Variants in COPB1 observed in about 807,000 individuals in gnomAD.
COPB1 encodes the protein coat protein complex I subunit beta 1.
In COPB1, 21 loss-of-function variants were observed where a neutral mutation model predicts 108.7. That is an observed-to-expected ratio of 0.19 (90% CI 0.14 to 0.28). COPB1 has a LOEUF of 0.28. Ranked by LOEUF, COPB1 falls within the 10% of genes least tolerant of loss-of-function variation. The probability of loss-of-function intolerance (pLI) is 1.00; values close to 1 mark genes in which losing one functional copy is unlikely to be tolerated. For synonymous variants in COPB1, 378 were observed against 386.8 expected, an observed-to-expected ratio of 0.98 and a Z score of 0.27; for missense variants, 919 against 1,141.3, an observed-to-expected ratio of 0.81 and a Z score of 2.81.
At position 14,461,183 on chromosome 11, in the gene COPB1, A is replaced by C. The variant is rs1354480305; in HGVS notation, c.2556+3T>G. On this transcript the variant is annotated splice_donor_region_variant and intron_variant, in intron 19 of 21. Transcript: ENST00000439561. ...AATATGAGAAAATCTCCCAAGGACT[A>C]ACTTTGTTTTCCCATTCAAATTCGG... 6.2e-7 allele frequency: 1 copy of C among 1,614,110 alleles called. No homozygotes were observed. The highest frequency in any genetic ancestry group is 2.2e-5 in the East Asian group (1 of 44,870).
At chr11:14,480,628 A>AT in intron 10 of COPB1, 131 bp downstream of exon 10, 1 of 809,526 alleles carries the variant, frequency 1.2e-6, no homozygotes, top group Non-Finnish European at 1.9e-6. Flanking sequence ...AGAGGTAGAT[A>AT]TAAAGATCAC....
Position 14,493,670 on chromosome 11 carries a change from C to A in COPB1, c.463G>T (p.Ala155Ser). The change falls in exon 4 of 22, where the codon GCT (alanine) becomes TCT (serine). Residue 155 changes from alanine (A) to serine (S), a missense_variant. Ala to Ser is a moderately conservative substitution (Grantham distance 99). This residue lies in a region of COPB1 where 78 missense variants were observed against 95.4 expected (regional missense o/e 0.82). Coordinates refer to ENST00000439561, the MANE Select transcript of COPB1 (RefSeq NM_001144061.2). ...EHRHSYVRRNAVLAIYTIYRN... is the reference protein window; with the variant it reads ...EHRHSYVRRNSVLAIYTIYRN... ...TAGATGGTATAGATGGCCAAAACAGCATTTCTTCTAACATAGCTGTGTCGA... is the reference window on the plus strand; with the variant it reads ...TAGATGGTATAGATGGCCAAAACAGAATTTCTTCTAACATAGCTGTGTCGA... The A allele has an allele frequency of 6.2e-7, 1 of 1,611,782 alleles. No homozygotes were observed.
intron 18 of COPB1, among the ~76,000 whole-genome samples, chr11:14,461,986 G>A (rs908982187): frequency 6.6e-6 from 1 of 151,870 alleles, no homozygotes; most frequent in African/African-American, 2.4e-5. Context: ...TAAATGCTAT[G>A]TAAATAGTTA....
At chr11:14,479,296 T>C (rs1324829039) in intron 11 of COPB1, among the ~76,000 whole-genome samples, 1 of 152,202 alleles carries the variant, frequency 6.6e-6, no homozygotes, top group African/African-American at 2.4e-5. Flanking sequence ...AGTGATGCCA[T>C]TTAAAAATAT....
intron 13 of COPB1, 40 bp downstream of exon 13, chr11:14,475,745 A>G: frequency 6.9e-7 from 1 of 1,456,080 alleles, no homozygotes; most frequent in Non-Finnish European, 9.1e-7. Flanking sequence ...AGTAATAATA[A>G]AAGTAGTACA....
At chr11:14,460,346 A>C in intron 19 of COPB1, 49 bp from the exon 20 acceptor site, 1 of 1,189,550 alleles carries the variant, frequency 8.4e-7, no homozygotes, top group East Asian at 2.4e-5. Context: ...TTACTATGAG[A>C]AAGCTGTGAA....
At position 14,466,289 on chromosome 11, in the gene COPB1, A is replaced by G. The variant is rs1850278706; in HGVS notation, c.2283T>C (p.Ala761=). Residue 761 remains alanine, a synonymous_variant, in exon 17 of 22, where the codon GCT becomes GCC. Transcript: ENST00000439561. ...DTLQNCTLEL[A]TLGDLKLVEK... The stretch of plus-strand genomic sequence containing the variant: ...AATGGTAAGTTTCCTCACCTAGTGT[A>G]GCTAGTTCTAATGTGCAATTCTGCA... The G allele has an allele frequency of 1.9e-6, 3 of 1,613,222 alleles. No individual in the cohort carries two copies. Among genetic ancestry groups the G allele is most frequent in the Non-Finnish European group, 2.5e-6 (3 of 1,179,662 alleles).
chr11:14,477,235 T>C (rs1377385158), intron 11 of COPB1, among the ~76,000 whole-genome samples: 3 of 150,716 alleles, frequency 2.0e-5, no homozygotes, highest in South Asian at 4.2e-4. Flanking sequence ...TACAAAAAAA[T>C]TAGCCGGGCA....
In COPB1 at chr11:14,490,575, T is replaced by C; in HGVS notation, c.596A>G (p.His199Arg). Residue 199 changes from histidine (H) to arginine (R), a missense_variant, in exon 5 of 22, where the codon CAT becomes CGT. Coordinates refer to ENST00000439561, the MANE Select transcript of COPB1 (RefSeq NM_001144061.2). ...CKRNAFMMLI[H>R]ADQDRALDYL... Reference sequence around the variant, plus strand: ...TAAAAAGTACCTCACCTGATCTGCATGAATTAGCATCATAAATGCATTCCT... The same window carrying C: ...TAAAAAGTACCTCACCTGATCTGCACGAATTAGCATCATAAATGCATTCCT... The C allele has an allele frequency of 6.2e-7, 1 of 1,602,074 alleles. No homozygotes were observed. The highest frequency in any genetic ancestry group is 8.5e-7 in the Non-Finnish European group (1 of 1,171,390).
intron 18 of COPB1, among the ~76,000 whole-genome samples, chr11:14,463,567 G>A (rs1011103819): frequency 1.5e-4 from 23 of 152,232 alleles, no homozygotes; most frequent in Non-Finnish European, 2.8e-4. Flanking sequence ...TAATCTGCCC[G>A]CCTCGGTCTC....
At chr11:14,478,956 A>AC (rs1286081538) in intron 11 of COPB1, 2 of 57,508 alleles carry the variant, frequency 3.5e-5, no homozygotes, top group Non-Finnish European at 7.4e-5. Context: ...AAGCCCTCTC[A>AC]CAAAAAAAAA....
At chr11:14,487,980 G>A in intron 6 of COPB1, among the ~76,000 whole-genome samples, 1 of 152,232 alleles carries the variant, frequency 6.6e-6, no homozygotes, top group Non-Finnish European at 1.5e-5. Context: ...ATATATCATA[G>A]TAAAGTGTTG....
chr11:14,467,849 G>A (rs1850317292), intron 16 of COPB1, among the ~76,000 whole-genome samples: 1 of 152,164 alleles, frequency 6.6e-6, no homozygotes, highest in African/African-American at 2.4e-5. Flanking sequence ...CAAAATCACA[G>A]AGACACAAAG....
At chr11:14,463,002 AAC>A (rs1850193902) in intron 18 of COPB1, among the ~76,000 whole-genome samples, 2 of 152,180 alleles carry the variant, frequency 1.3e-5, no homozygotes, top group South Asian at 4.1e-4. Flanking sequence ...ACCCACCACT[AAC>A]ACCCAAGATG....
chr11:14,465,659 C>T (rs1325330072), intron 17 of COPB1, among the ~76,000 whole-genome samples: 2 of 152,182 alleles, frequency 1.3e-5, no homozygotes, highest in East Asian at 1.9e-4. Flanking sequence ...GTTTTTTATA[C>T]AGCCATCAAG....
intron 2 of COPB1, among the ~76,000 whole-genome samples, chr11:14,498,533 C>T (rs1851078329): frequency 6.6e-6 from 1 of 152,158 alleles, no homozygotes; most frequent in African/African-American, 2.4e-5. Flanking sequence ...ACATCCTCAA[C>T]CTGTTGCCTA....
chr11:14,485,144 G>A (rs1850742986), intron 7 of COPB1, among the ~76,000 whole-genome samples: 1 of 152,104 alleles, frequency 6.6e-6, no homozygotes, highest in Non-Finnish European at 1.5e-5. Flanking sequence ...GGGACTATAA[G>A]CACACACCAC....
At chr11:14,467,176 T>A (rs1231488646) in intron 16 of COPB1, among the ~76,000 whole-genome samples, 1 of 115,942 alleles carries the variant, frequency 8.6e-6, no homozygotes, top group Non-Finnish European at 1.8e-5. Flanking sequence ...TATTAATAAC[T>A]CCTAAAATTC....
At position 14,494,399 on chromosome 11, in the gene COPB1, T is replaced by A. The variant is rs1252367712; in HGVS notation, c.132A>T (p.Lys44Asn). 1.2e-6 allele frequency: 2 copies of A among 1,610,470 alleles called. No homozygotes were observed. Among genetic ancestry groups the A allele is most frequent in the Non-Finnish European group, 1.7e-6 (2 of 1,177,602 alleles). The part of the protein sequence containing the change: ...DVKSKTEALK[K>N]VIIMILNGEK... ...CACCATTCAGAATCATAATGATTAC[T>A]TTCTTCAAAGCTTCAGTCTTTGACT... is the stretch of plus-strand genomic sequence containing the variant. Residue 44 changes from lysine (K) to asparagine (N), a missense_variant, in exon 3 of 22, where the codon AAA becomes AAT. Around this residue, in one of 5 missense-constraint regions of COPB1, gnomAD observed 92 missense variants for 108.4 expected, o/e 0.85. Coordinates refer to ENST00000439561, the MANE Select transcript of COPB1 (RefSeq NM_001144061.2).
Sources: gnomAD v4.1 joint callset for allele counts (sites outside exome capture counted in the v4.1 genomes callset) on GRCh38, gnomAD v4.1.1 for gene constraint, gnomAD v4.1.1 regional missense constraint, MANE v1.5 for transcripts, NCBI Gene and HGNC (gene_info 2026-07-23, HGNC 2026-07-21) for gene names.